Variants in ADCY2 observed in about 807,000 individuals in gnomAD.
The protein encoded by ADCY2 is adenylate cyclase 2, also known as adenylate cyclase type 2.
ADCY2 carries 31 observed loss-of-function variants against 125.2 expected under a neutral mutation model. The observed-to-expected ratio is 0.25, with a 90% confidence interval of 0.19 to 0.33. The LOEUF (loss-of-function observed/expected upper bound fraction) is 0.33. ADCY2 is among the 10% of genes least tolerant of loss of function. The probability of loss-of-function intolerance (pLI) is 1.00; values close to 1 mark genes in which losing one functional copy is unlikely to be tolerated. For missense variants in ADCY2, 904 were observed against 1,418.2 expected (o/e 0.64, Z 5.82); for synonymous variants, 512 against 548.4 (o/e 0.93, Z 0.93).
chr5:7,722,111 G>A (rs1212494271), intron 12 of ADCY2, among the ~76,000 whole-genome samples: 1 of 152,144 alleles, frequency 6.6e-6, no homozygotes, highest in Non-Finnish European at 1.5e-5. Flanking sequence ...GTGTGCTTTG[G>A]CAAAGGGAGG....
chr5:7,819,227 C>T (rs1745218802), intron 23 of ADCY2, among the ~76,000 whole-genome samples: 2 of 152,308 alleles, frequency 1.3e-5, no homozygotes, highest in East Asian at 3.9e-4. Context: ...AAATGTTAAT[C>T]TCCTTTGGCA....
chr5:7,772,899 T>A, intron 17 of ADCY2, 33 bp from the exon 18 acceptor site: 1 of 1,603,778 alleles, frequency 6.2e-7, no homozygotes, highest in Non-Finnish European at 8.5e-7. Flanking sequence ...GAAGAGATCC[T>A]AAGTATCTGT....
chr5:7,757,597 G>A lies in ADCY2; in HGVS notation c.2094+11G>A. 6.4e-7 allele frequency: 1 copy of A among 1,554,852 alleles called. No homozygotes were observed. Among genetic ancestry groups the A allele is most frequent in the Non-Finnish European group, 8.8e-7 (1 of 1,138,934 alleles). ...GCCGTGTTCAACATGGTAAGTCCCA[G>A]AGCACGGCCGTGTTCAACATGGTAA... On this transcript the variant is annotated intron_variant, in intron 16 of 24. Transcript: ENST00000338316.
At chr5:7,411,501 A>C (rs1235791208) in intron 1 of ADCY2, among the ~76,000 whole-genome samples, 2 of 152,176 alleles carry the variant, frequency 1.3e-5, no homozygotes, top group African/African-American at 4.8e-5. Flanking sequence ...TGACCCTAAG[A>C]GTTTGTGCTT....
rs148365922 is a variant in ADCY2 at position 7,583,626 on chromosome 5, C to T, written c.571-42541C>T. ...CAACACCAGTTATTGTCAAAGTTAT[C>T]GGATAACTGGACCTTTTGTACATTG... On this transcript the variant is annotated intron_variant, in intron 3 of 24. Coordinates refer to ENST00000338316, the MANE Select transcript of ADCY2 (RefSeq NM_020546.3). Among the ~76,000 whole-genome samples the T allele has an allele frequency of 1.6e-3, 250 of 152,112 alleles. 1 individual carries two copies. The highest frequency in any genetic ancestry group is 5.8e-3 in the African/African-American group (241 of 41,516).
intron 3 of ADCY2, among the ~76,000 whole-genome samples, chr5:7,584,962 T>C (rs1348775209): frequency 1.3e-5 from 2 of 152,034 alleles, no homozygotes; most frequent in African/African-American, 4.8e-5. Flanking sequence ...ATGCTGACAA[T>C]GTAAAATAGT....
intron 3 of ADCY2, among the ~76,000 whole-genome samples, chr5:7,552,724 A>T (rs1413286881): frequency 6.6e-6 from 1 of 152,202 alleles, no homozygotes; most frequent in Non-Finnish European, 1.5e-5. Flanking sequence ...TGAATTATGA[A>T]TGTACCAAAT....
chr5:7,556,914 C>G (rs1321769740), intron 3 of ADCY2, among the ~76,000 whole-genome samples: 1 of 152,014 alleles, frequency 6.6e-6, no homozygotes, highest in Non-Finnish European at 1.5e-5. Flanking sequence ...TCCACAAAAC[C>G]GGCCTCTGGT....
chr5:7,677,317 C>T (rs1579306030), intron 4 of ADCY2, among the ~76,000 whole-genome samples: 1 of 152,078 alleles, frequency 6.6e-6, no homozygotes, highest in East Asian at 1.9e-4. Context: ...AAAGAAATTA[C>T]TTAACCCTTG....
At chr5:7,398,507 G>A (rs1739143890) in intron 1 of ADCY2, among the ~76,000 whole-genome samples, 1 of 152,120 alleles carries the variant, frequency 6.6e-6, no homozygotes, top group Non-Finnish European at 1.5e-5. Context: ...TCATTTTAAT[G>A]CTCCTCTTGC....
At chr5:7,595,501 C>T (rs1736977755) in intron 3 of ADCY2, among the ~76,000 whole-genome samples, 1 of 152,116 alleles carries the variant, frequency 6.6e-6, no homozygotes, top group Non-Finnish European at 1.5e-5. Context: ...GAACAACCAT[C>T]CTGTTATTTT....
chr5:7,400,758 C>T (rs907899541), intron 1 of ADCY2, among the ~76,000 whole-genome samples: 3 of 152,196 alleles, frequency 2.0e-5, no homozygotes, highest in Non-Finnish European at 2.9e-5. Flanking sequence ...TTTCTATACA[C>T]GCAGGAAATC....
At chr5:7,588,730 A>T (rs901750710) in intron 3 of ADCY2, among the ~76,000 whole-genome samples, 1 of 152,232 alleles carries the variant, frequency 6.6e-6, no homozygotes, top group Non-Finnish European at 1.5e-5. Flanking sequence ...GTCACGAAAC[A>T]TTATGTTGCT....
intron 2 of ADCY2, among the ~76,000 whole-genome samples, chr5:7,492,637 G>A (rs1264710633): frequency 6.6e-6 from 1 of 151,826 alleles, no homozygotes; most frequent in African/African-American, 2.4e-5. Context: ...TTAAACACTG[G>A]GGAGGAAGGT....
chr5:7,491,710 C>A (rs1743171578), intron 2 of ADCY2, among the ~76,000 whole-genome samples: 1 of 151,370 alleles, frequency 6.6e-6, no homozygotes, highest in East Asian at 1.9e-4. Flanking sequence ...AAGTTATAGC[C>A]CCTAACTGGG....
chr5:7,694,697 T>C lies in ADCY2; in HGVS notation c.870-1055T>C, dbSNP rs374420635. The stretch of plus-strand genomic sequence containing the variant: ...ATCTGTCAATGGACATTCGGTTTGC[T>C]TCCATCTTTTGGCTGTTGTGAATAC... On this transcript the variant is annotated intron_variant, in intron 5 of 24. Coordinates refer to ENST00000338316, the MANE Select transcript of ADCY2 (RefSeq NM_020546.3). Among the ~76,000 whole-genome samples, 74 of 152,376 alleles carry C rather than the reference T, an allele frequency of 4.9e-4. No homozygotes were observed. In the South Asian group the frequency reaches 0.015, roughly 31 times the overall value.
chr5:7,621,190 C>A (rs1365526209), intron 3 of ADCY2, among the ~76,000 whole-genome samples: 1 of 152,182 alleles, frequency 6.6e-6, no homozygotes, highest in East Asian at 1.9e-4. Context: ...AGAGGGGTCA[C>A]ACTTGTGCCT....
chr5:7,784,723 G>A (rs369177232), intron 19 of ADCY2, among the ~76,000 whole-genome samples: 143 of 150,606 alleles, frequency 9.5e-4, no homozygotes, highest in African/African-American at 3.3e-3. Context: ...AACAAATTTT[G>A]TAGTTTTTGT....
rs4072341 is a variant in ADCY2, at chr5:7,757,592, T to C, written c.2094+6T>C. On this transcript the variant is annotated splice_donor_region_variant and intron_variant, in intron 16 of 24. Transcript: ENST00000338316. ...TGATGGCCGTGTTCAACATGGTAAG[T>C]CCCAGAGCACGGCCGTGTTCAACAT... is the stretch of plus-strand genomic sequence containing the variant. The C allele has an allele frequency of 0.3, 456,189 of 1,513,062 alleles. 96,138 individuals are homozygous for C. Among genetic ancestry groups the C allele is most frequent in the African/African-American group, 0.33 (22,654 of 67,872 alleles). The allele number at this position is 1,513,062 out of a possible 1,614,324, so 93.7% of individuals were successfully genotyped here. A position where few individuals can be genotyped will look rare whatever the true frequency, so the allele number is the denominator to read the frequency against.
Sources: gnomAD v4.1 joint callset for allele counts (sites outside exome capture counted in the v4.1 genomes callset) on GRCh38, gnomAD v4.1.1 for gene constraint, MANE v1.5 for transcripts, NCBI Gene and HGNC (gene_info 2026-07-23, HGNC 2026-07-21) for gene names.